The following CACNA2D3 variants were observed in gnomAD, a reference collection of about 807,000 sequenced individuals.
CACNA2D3 encodes the protein voltage-dependent calcium channel subunit alpha-2/delta-3.
Under a neutral mutation model 160.6 loss-of-function variants are expected in CACNA2D3, and 60 were observed. The ratio of observed to expected loss-of-function variants is 0.37; its 90% CI spans 0.30 to 0.46. The LOEUF is 0.46. Ranked by LOEUF, CACNA2D3 falls within the 20% of genes least tolerant of loss-of-function variation. The pLI, the probability that CACNA2D3 is intolerant of heterozygous loss-of-function variation, is 1.00. For missense variants in CACNA2D3, 1,205 were observed against 1,365.0 expected (o/e 0.88, Z 1.85); for synonymous variants, 558 against 492.9 (o/e 1.13, Z -1.75).
chr3:54,444,411 C>T (rs1208247877), intron 4 of CACNA2D3, among the ~76,000 whole-genome samples: 1 of 152,110 alleles, frequency 6.6e-6, no homozygotes, highest in Non-Finnish European at 1.5e-5. Flanking sequence ...CAAAACATTC[C>T]CTGTTAGTTT....
intron 9 of CACNA2D3, among the ~76,000 whole-genome samples, chr3:54,599,645 G>A (rs1703026852): frequency 6.6e-6 from 1 of 152,142 alleles, no homozygotes; most frequent in Non-Finnish European, 1.5e-5. Context: ...GCAAAACGGT[G>A]GTCTTTCACA....
Position 54,287,292 on chromosome 3 carries a change from A to C in CACNA2D3, c.205-33150A>C, listed in dbSNP as rs567365342. Among the ~76,000 whole-genome samples the C allele has an allele frequency of 3.8e-4, 58 of 152,148 alleles. No homozygotes were observed. In the Middle Eastern group the frequency reaches 0.01, roughly 27 times the overall value. ...GGGTTGCAATCCTAGTCTCTGATAA[A>C]AGACTTTAAACCAACAAAGATCAAA... On this transcript the variant is annotated intron_variant, in intron 2 of 37. Coordinates refer to ENST00000474759, the MANE Select transcript of CACNA2D3 (RefSeq NM_018398.3).
chr3:54,300,286 G>A (rs1053584447), intron 2 of CACNA2D3, among the ~76,000 whole-genome samples: 6 of 152,218 alleles, frequency 3.9e-5, no homozygotes, highest in Admixed American at 3.9e-4. Context: ...GGGTTTCATA[G>A]GATGTGATGC....
chr3:54,213,591 T>G (rs2107366258), intron 2 of CACNA2D3, among the ~76,000 whole-genome samples: 1 of 152,334 alleles, frequency 6.6e-6, no homozygotes, highest in African/African-American at 2.4e-5. Context: ...CAAGGGATGG[T>G]GGCTGAATTA....
intron 16 of CACNA2D3, among the ~76,000 whole-genome samples, chr3:54,839,741 C>T (rs531709231): frequency 1.3e-5 from 2 of 152,266 alleles, no homozygotes; most frequent in East Asian, 3.9e-4. Context: ...CTTTCCTGGG[C>T]CTCAGGTGGA....
chr3:54,433,769 G>A (rs1312814097), intron 4 of CACNA2D3, among the ~76,000 whole-genome samples: 1 of 152,140 alleles, frequency 6.6e-6, no homozygotes, highest in Non-Finnish European at 1.5e-5. Context: ...GACCTCTAAT[G>A]GGTACAGACT....
chr3:54,846,087 C>T (rs1698925454), intron 16 of CACNA2D3, among the ~76,000 whole-genome samples: 1 of 151,596 alleles, frequency 6.6e-6, no homozygotes, highest in East Asian at 1.9e-4. Flanking sequence ...ACATTAGCCA[C>T]TTTCTTGTTA....
intron 4 of CACNA2D3, among the ~76,000 whole-genome samples, chr3:54,461,244 G>T (rs1339703095): frequency 2.6e-5 from 4 of 151,324 alleles, no homozygotes; most frequent in Non-Finnish European, 4.4e-5. Flanking sequence ...TCTCTTTTTT[G>T]GTTGTGTCTC....
chr3:54,832,011 T>TCATACACA (rs373556430), intron 14 of CACNA2D3, among the ~76,000 whole-genome samples: 15,051 of 118,678 alleles, frequency 0.13, 1,684 homozygotes, highest in African/African-American at 0.18. Flanking sequence ...CTCTTCTCTG[T>TCATACACA]CACACACACA....
intron 35 of CACNA2D3, among the ~76,000 whole-genome samples, chr3:55,069,645 T>G (rs774232581): frequency 6.6e-6 from 1 of 152,316 alleles, no homozygotes. Context: ...TCATGTGGGT[T>G]TTCTATGAAC....
At chr3:54,461,862 T>C (rs957916328) in intron 4 of CACNA2D3, among the ~76,000 whole-genome samples, 1 of 152,212 alleles carries the variant, frequency 6.6e-6, no homozygotes, top group Non-Finnish European at 1.5e-5. Flanking sequence ...CTTTTAATTG[T>C]GATGTTAGGG....
intron 2 of CACNA2D3, among the ~76,000 whole-genome samples, chr3:54,204,788 G>A (rs1701241598): frequency 2.0e-5 from 2 of 99,320 alleles, no homozygotes; most frequent in South Asian, 4.0e-4. Flanking sequence ...AGAGCAAGAT[G>A]CTGTCTTGAA....
chr3:54,742,041 A>G (rs1025267285), intron 11 of CACNA2D3, among the ~76,000 whole-genome samples: 2 of 151,690 alleles, frequency 1.3e-5, no homozygotes, highest in African/African-American at 4.8e-5. Context: ...TAATTTTTAT[A>G]TTTTTCGTAG....
chr3:54,934,641 AGACTTAGCCAG>A (rs1332307475), intron 27 of CACNA2D3, among the ~76,000 whole-genome samples: 1 of 152,174 alleles, frequency 6.6e-6, no homozygotes, highest in Non-Finnish European at 1.5e-5. Flanking sequence ...ACAGAGCCTA[AGACTTAGCCAG>A]GTTCTGTGTA....
chr3:54,794,695 T>G (rs895513975), intron 13 of CACNA2D3, among the ~76,000 whole-genome samples: 2 of 152,044 alleles, frequency 1.3e-5, no homozygotes, highest in African/African-American at 4.8e-5. Context: ...TTTACAGTTG[T>G]TTTCTTATAA....
intron 2 of CACNA2D3, among the ~76,000 whole-genome samples, chr3:54,271,268 T>C (rs1386786915): frequency 7.2e-5 from 11 of 152,114 alleles, no homozygotes; most frequent in Admixed American, 5.9e-4. Context: ...CTTATTCACG[T>C]GCTCTCACTC....
chr3:54,434,506 G>C (rs539665404), intron 4 of CACNA2D3, among the ~76,000 whole-genome samples: 3 of 152,308 alleles, frequency 2.0e-5, no homozygotes, highest in Admixed American at 1.3e-4. Flanking sequence ...CTTGTTCAGG[G>C]CTTTTGGGTG....
At chr3:54,178,642 A>G (rs1700719905) in intron 2 of CACNA2D3, among the ~76,000 whole-genome samples, 1 of 152,244 alleles carries the variant, frequency 6.6e-6, no homozygotes, top group African/African-American at 2.4e-5. Context: ...TTTTACTTAA[A>G]TCCAACCAGT....
At position 54,516,702 on chromosome 3, in the gene CACNA2D3, G is replaced by A. The variant is rs898450712; in HGVS notation, c.544+13048G>A. On this transcript the variant is annotated intron_variant, in intron 5 of 37. Transcript: ENST00000474759. ...GCAGAGCCCCAGCGGTTGAGTCCAC[G>A]CGACCACATCTTCACCCGTGTCTAC... Among the ~76,000 whole-genome samples the A allele has an allele frequency of 2.0e-4, 30 of 152,290 alleles. No homozygotes were observed. The Middle Eastern group carries it at 0.014, about 69-fold the overall frequency.
Sources: gnomAD v4.1 joint callset for allele counts (sites outside exome capture counted in the v4.1 genomes callset) on GRCh38, gnomAD v4.1.1 for gene constraint, MANE v1.5 for transcripts, NCBI Gene and HGNC (gene_info 2026-07-23, HGNC 2026-07-21) for gene names.